WDR47: variants seen among roughly 807,000 people sequenced by gnomAD.
WDR47 encodes the protein WD repeat domain 47.
In WDR47, 32 loss-of-function variants were observed where a neutral mutation model predicts 97.2. The observed-to-expected ratio is 0.33, with a 90% CI of 0.25 to 0.44. The LOEUF (loss-of-function observed/expected upper bound fraction) is 0.44, where lower values mean the gene tolerates loss of function less well. Among genes scored for constraint, WDR47 ranks in the 20% least tolerant of loss-of-function variants. The pLI, the probability that WDR47 is intolerant of heterozygous loss-of-function variation, is 1.00. For missense variants in WDR47, 782 were observed against 1,102.3 expected (o/e 0.71, Z 4.11); for synonymous variants, 375 against 373.5 (o/e 1.00, Z -0.05).
chr1:109,039,796 G>A (rs1046279377), intron 1 of WDR47, among the ~76,000 whole-genome samples: 5 of 151,832 alleles, frequency 3.3e-5, no homozygotes, highest in Non-Finnish European at 5.9e-5. Context: ...CCAACATTGC[G>A]AGCCCAAGGC....
At chr1:108,987,652 G>T (rs530633016) in intron 9 of WDR47, among the ~76,000 whole-genome samples, 1 of 152,044 alleles carries the variant, frequency 6.6e-6, no homozygotes, top group South Asian at 2.1e-4. Flanking sequence ...ATTTTTAGTA[G>T]AGACAGGGTT....
chr1:108,994,442 T>C (rs2101873221), intron 8 of WDR47, among the ~76,000 whole-genome samples: 1 of 152,004 alleles, frequency 6.6e-6, no homozygotes, highest in East Asian at 1.9e-4. Flanking sequence ...TTTTCAGAAA[T>C]GTGGAAATAT....
intron 5 of WDR47, among the ~76,000 whole-genome samples, chr1:109,006,184 C>G (rs929340151): frequency 6.6e-6 from 1 of 152,004 alleles, no homozygotes; most frequent in Non-Finnish European, 1.5e-5. Flanking sequence ...CACCTGAGGT[C>G]GGGAGTATGA....
chr1:108,986,455 A>C, intron 10 of WDR47, 68 bp downstream of exon 10: 1 of 1,395,402 alleles, frequency 7.2e-7, no homozygotes, highest in Non-Finnish European at 9.5e-7. Flanking sequence ...GGCAATTCTG[A>C]AAAAGGAACC....
intron 1 of WDR47, among the ~76,000 whole-genome samples, chr1:109,026,239 C>T (rs775583706): frequency 1.1e-4 from 16 of 151,800 alleles, no homozygotes; most frequent in African/African-American, 2.9e-4. Flanking sequence ...TTTGTAGAGA[C>T]GGGATCTACC....
intron 5 of WDR47, 41 bp from the exon 6 acceptor site, chr1:109,004,756 G>T: frequency 6.5e-7 from 1 of 1,542,284 alleles, no homozygotes; most frequent in South Asian, 1.3e-5. Context: ...AGGCAGAGGG[G>T]GGAGTAAAGG....
intron 10 of WDR47, 87 bp from the exon 11 acceptor site, chr1:108,983,538 G>A: frequency 8.5e-7 from 1 of 1,170,412 alleles, no homozygotes; most frequent in Non-Finnish European, 1.1e-6. Flanking sequence ...GTTCTTGAAG[G>A]AAGGAGAAAA....
intron 5 of WDR47, among the ~76,000 whole-genome samples, chr1:109,008,844 G>A (rs548789763): frequency 2.0e-5 from 3 of 152,118 alleles, no homozygotes; most frequent in Admixed American, 1.3e-4. Flanking sequence ...CTGACCTCAA[G>A]TGATCCACCC....
intron 7 of WDR47, among the ~76,000 whole-genome samples, chr1:108,999,562 C>T (rs776020698): frequency 2.0e-5 from 3 of 151,536 alleles, no homozygotes; most frequent in Non-Finnish European, 4.4e-5. Context: ...AAATTAGCTG[C>T]TTGTGGTGGC....
intron 1 of WDR47, among the ~76,000 whole-genome samples, chr1:109,028,838 T>C (rs745567791): frequency 2.0e-5 from 3 of 152,172 alleles, no homozygotes; most frequent in Non-Finnish European, 4.4e-5. Context: ...TTTACCATCT[T>C]CACCATTTTT....
intron 2 of WDR47, among the ~76,000 whole-genome samples, chr1:109,022,885 C>T (rs1382419513): frequency 6.6e-6 from 1 of 151,510 alleles, no homozygotes; most frequent in Non-Finnish European, 1.5e-5. Flanking sequence ...CACGCCCAGC[C>T]TATTTTGTAA....
intron 11 of WDR47, 121 bp from the exon 12 acceptor site, chr1:108,982,900 T>C (rs1405818660): frequency 4.7e-5 from 53 of 1,128,244 alleles, no homozygotes; most frequent in Non-Finnish European, 6.2e-5. Flanking sequence ...GTTTGTATTT[T>C]CATTTAGGGA....
intron 14 of WDR47, among the ~76,000 whole-genome samples, chr1:108,972,657 A>G (rs1481172377): frequency 6.6e-6 from 1 of 152,136 alleles, no homozygotes; most frequent in Non-Finnish European, 1.5e-5. Flanking sequence ...AAAAATGTCT[A>G]TAGGCCGGGC....
At chr1:109,016,314 A>G (rs961581663) in intron 3 of WDR47, among the ~76,000 whole-genome samples, 1 of 152,032 alleles carries the variant, frequency 6.6e-6, no homozygotes, top group African/African-American at 2.4e-5. Context: ...GAAGCAGGCA[A>G]ATCACTTGAG....
At position 108,983,352 on chromosome 1, in the gene WDR47, T is replaced by C. The variant is rs753907838; in HGVS notation, c.2025A>G (p.Leu675=). Residue 675 remains leucine (L), a synonymous_variant, in exon 11 of 15, where the codon TTA becomes TTG. Transcript: ENST00000369962. ...YCVAWSPCGQ[L]LATGSNDKYV... ...ATTTGTCATTTGATCCTGTTGCTAATAACTGCCCACAAGGACTCCAGGCCA... is the reference window on the plus strand; with the variant it reads ...ATTTGTCATTTGATCCTGTTGCTAACAACTGCCCACAAGGACTCCAGGCCA... 7.4e-6 allele frequency: 12 copies of C among 1,613,002 alleles called. No individual in the cohort carries two copies. Among genetic ancestry groups the C allele is most frequent in the South Asian group, 1.1e-5 (1 of 90,924 alleles).
At chr1:109,031,134 C>T (rs1422610332) in intron 1 of WDR47, among the ~76,000 whole-genome samples, 1 of 139,998 alleles carries the variant, frequency 7.1e-6, no homozygotes, top group Non-Finnish European at 1.6e-5. Flanking sequence ...CATTAGATCA[C>T]TTAAGCAAAC....
chr1:108,997,116 C>CA (rs66580765), intron 7 of WDR47, among the ~76,000 whole-genome samples: 5,877 of 134,776 alleles, frequency 0.044, 372 homozygotes, highest in African/African-American at 0.14. Flanking sequence ...TCTCCATCTC[C>CA]AAAAAAAAAA....
intron 13 of WDR47, among the ~76,000 whole-genome samples, chr1:108,979,433 G>A (rs992301124): frequency 2.6e-5 from 4 of 152,222 alleles, no homozygotes; most frequent in African/African-American, 7.2e-5. Context: ...AGCTAAGGCG[G>A]GAGGATGGCT....
chr1:109,021,773 C>T (rs1040049320), intron 2 of WDR47, among the ~76,000 whole-genome samples: 9 of 150,892 alleles, frequency 6.0e-5, no homozygotes, highest in African/African-American at 1.2e-4. Context: ...GTGATCCACA[C>T]GGCTCAGCCT....
Sources: gnomAD v4.1 joint callset for allele counts (sites outside exome capture counted in the v4.1 genomes callset) on GRCh38, gnomAD v4.1.1 for gene constraint, MANE v1.5 for transcripts, NCBI Gene and HGNC (gene_info 2026-07-23, HGNC 2026-07-21) for gene names.